Variants in AKAP7 observed in about 807,000 individuals in gnomAD.
The protein encoded by AKAP7 is A kinase (PRKA) anchor protein 7.
In AKAP7, 39 loss-of-function variants were observed where a neutral mutation model predicts 39.5. The ratio of observed to expected loss-of-function variants is 0.99; its 90% confidence interval spans 0.76 to 1.29. The LOEUF is 1.29. Ranked by LOEUF, AKAP7 falls within the 50% of genes most tolerant of loss-of-function variation. The pLI, the probability that AKAP7 is intolerant of heterozygous loss-of-function variation, is 0.00. For synonymous variants in AKAP7, 140 were observed against 139.1 expected (o/e 1.01, Z -0.05); for missense variants, 414 against 407.7 (o/e 1.02, Z -0.13).
rs369411470 is a variant in AKAP7, at chr6:131,281,691, C to G, written c.1012C>G (p.Gln338Glu). 40 of 1,611,812 alleles carry G rather than the reference C, an allele frequency of 2.5e-5. No homozygotes were observed. The highest frequency in any genetic ancestry group is 3.0e-5 in the Non-Finnish European group (35 of 1,179,078). ...GSSVKTEAAD[Q>E]NGNDNENNRK ...CTCTGTGAAAACCGAAGCAGCTGAT[C>G]AGAATGGCAATGACAATGAGAACAA... is the stretch of plus-strand genomic sequence containing the variant. The change falls in exon 8 of 8, where the codon CAG (glutamine) becomes GAG (glutamate). Residue 338 changes from glutamine to glutamate, a missense_variant. By Grantham distance (29) the Gln-to-Glu change is conservative. Coordinates refer to ENST00000431975, the MANE Select transcript of AKAP7 (RefSeq NM_016377.4). The surrounding 1 kb of genome is among the most constrained non-coding windows in gnomAD (Gnocchi z 4.0).
intron 5 of AKAP7, among the ~76,000 whole-genome samples, chr6:131,179,686 A>G (rs1804943170): frequency 6.6e-6 from 1 of 152,126 alleles, no homozygotes; most frequent in South Asian, 2.1e-4. Flanking sequence ...TAGGCAACAT[A>G]GTGAGACTTT....
Position 131,160,155 on chromosome 6 carries a change from A to G in AKAP7, c.248A>G (p.Tyr83Cys). The G allele has an allele frequency of 6.2e-7, 1 of 1,612,152 alleles. No homozygotes were observed. Among genetic ancestry groups the G allele is most frequent in the South Asian group, 1.1e-5 (1 of 90,608 alleles). Residue 83 changes from tyrosine (Y) to cysteine (C), a missense_variant, in exon 3 of 8, where the codon TAT becomes TGT. Coordinates refer to ENST00000431975, the MANE Select transcript of AKAP7 (RefSeq NM_016377.4). ...AAGAGGAAAAAAAAGAGAAAAGATT[A>G]TCAACCCAACTATTTCCTGTCCATT... is the stretch of plus-strand genomic sequence containing the variant. ...VKKRKKKRKD[Y>C]QPNYFLSIPI...
intron 7 of AKAP7, among the ~76,000 whole-genome samples, chr6:131,234,620 T>C (rs1810888924): frequency 6.6e-6 from 1 of 152,072 alleles, no homozygotes; most frequent in Non-Finnish European, 1.5e-5. Flanking sequence ...TTTTTTTCAC[T>C]TTTAAATATT....
At chr6:131,245,023 A>G (rs1156673983) in intron 7 of AKAP7, among the ~76,000 whole-genome samples, 1 of 152,222 alleles carries the variant, frequency 6.6e-6, no homozygotes, top group African/African-American at 2.4e-5. Flanking sequence ...CTTGGCTTCC[A>G]AATTTCACAG....
intron 7 of AKAP7, among the ~76,000 whole-genome samples, chr6:131,276,555 T>TA (rs397887321): frequency 1.3e-3 from 193 of 145,808 alleles, no homozygotes; most frequent in Admixed American, 1.9e-3. Flanking sequence ...TAAGCTCAGT[T>TA]AAAAAAAAAA....
chr6:131,181,314 C>CTTTTAAAG (rs1805213420), intron 5 of AKAP7, among the ~76,000 whole-genome samples: 1 of 152,170 alleles, frequency 6.6e-6, no homozygotes, highest in African/African-American at 2.4e-5. Context: ...ATGTAGGTGT[C>CTTTTAAAG]ATCCTAAACC....
At chr6:131,212,382 A>G (rs1323521771) in intron 6 of AKAP7, among the ~76,000 whole-genome samples, 2 of 152,218 alleles carry the variant, frequency 1.3e-5, no homozygotes, top group East Asian at 1.9e-4. Flanking sequence ...AGGGCTACAC[A>G]TGATTCTTGG....
chr6:131,172,046 A>G (rs770497290), intron 5 of AKAP7, among the ~76,000 whole-genome samples: 1 of 152,190 alleles, frequency 6.6e-6, no homozygotes, highest in Non-Finnish European at 1.5e-5. Context: ...CATAGAGAGT[A>G]TGAAGAAACT....
chr6:131,242,773 T>C (rs1394874551), intron 7 of AKAP7, among the ~76,000 whole-genome samples: 2 of 152,102 alleles, frequency 1.3e-5, no homozygotes, highest in Non-Finnish European at 2.9e-5. Context: ...TTTCAATATA[T>C]GTGAGAAGTC....
At chr6:131,232,917 TATA>T (rs1304160714) in intron 7 of AKAP7, among the ~76,000 whole-genome samples, 9 of 150,092 alleles carry the variant, frequency 6.0e-5, no homozygotes, top group East Asian at 1.9e-4. Flanking sequence ...TATTATTATT[TATA>T]ATAATAATAT....
chr6:131,135,017 ATTGT>A (rs1800422326), upstream of AKAP7, among the ~76,000 whole-genome samples: 1 of 152,224 alleles, frequency 6.6e-6, no homozygotes, highest in Admixed American at 6.5e-5. Context: ...ACATAACATC[ATTGT>A]TAAAAATTAG....
intron 7 of AKAP7, among the ~76,000 whole-genome samples, chr6:131,267,458 T>C (rs1300280820): frequency 2.6e-5 from 4 of 152,180 alleles, no homozygotes; most frequent in African/African-American, 7.2e-5. Context: ...TAATAATTTG[T>C]GTATGTCTTA....
chr6:131,272,621 T>C (rs1814383282), intron 7 of AKAP7, among the ~76,000 whole-genome samples: 1 of 152,232 alleles, frequency 6.6e-6, no homozygotes, highest in Non-Finnish European at 1.5e-5. Flanking sequence ...ATGGATTATT[T>C]AGAAACATTG....
intron 2 of AKAP7, among the ~76,000 whole-genome samples, chr6:131,157,667 C>G (rs1405110012): frequency 6.6e-6 from 1 of 152,156 alleles, no homozygotes; most frequent in Non-Finnish European, 1.5e-5. Flanking sequence ...AGACAATTCA[C>G]ATAATTCTTA....
chr6:131,252,639 C>A (rs187294713), intron 7 of AKAP7, among the ~76,000 whole-genome samples: 38 of 152,270 alleles, frequency 2.5e-4, no homozygotes, highest in Non-Finnish European at 5.1e-4. Context: ...TAAAAAGTGG[C>A]AGAGAATTTA....
intron 6 of AKAP7, among the ~76,000 whole-genome samples, chr6:131,211,793 A>AAG (rs1455688949): frequency 6.6e-5 from 10 of 150,668 alleles, no homozygotes; most frequent in African/African-American, 2.4e-4. Context: ...AAAAAAAAAA[A>AAG]GAAAGAAAAT....
At chr6:131,251,321 T>C (rs1049842459) in intron 7 of AKAP7, among the ~76,000 whole-genome samples, 2 of 152,230 alleles carry the variant, frequency 1.3e-5, no homozygotes, top group Non-Finnish European at 2.9e-5. Context: ...ATACTGGCAT[T>C]TTAATTAGTA....
At chr6:131,164,810 A>G (rs1453288808) in intron 3 of AKAP7, among the ~76,000 whole-genome samples, 1 of 152,188 alleles carries the variant, frequency 6.6e-6, no homozygotes, top group Non-Finnish European at 1.5e-5. Flanking sequence ...GTCAGATAGC[A>G]ATCTGATCTG....
intron 1 of AKAP7, among the ~76,000 whole-genome samples, chr6:131,141,070 CTTAA>C (rs10616622): frequency 0.017 from 2,512 of 152,172 alleles, 87 homozygotes; most frequent in African/African-American, 0.058. Context: ...TGGCATTGAA[CTTAA>C]TTAATTAAAA....
Sources: gnomAD v4.1 joint callset for allele counts (sites outside exome capture counted in the v4.1 genomes callset) on GRCh38, gnomAD v4.1.1 for gene constraint, Gnocchi (gnomAD v3.1) non-coding constraint, MANE v1.5 for transcripts, NCBI Gene and HGNC (gene_info 2026-07-23, HGNC 2026-07-21) for gene names.